PPFIBP2: variants seen among roughly 807,000 people sequenced by gnomAD.
PPFIBP2 encodes the protein PPFIB scaffold protein 2, also known as liprin-beta-2.
PPFIBP2 carries 118 observed loss-of-function variants against 118.3 expected under a neutral mutation model. The observed-to-expected ratio is 1.00, with a 90% CI of 0.86 to 1.16. The LOEUF (loss-of-function observed/expected upper bound fraction) is 1.16, where lower values mean the gene tolerates loss of function less well. PPFIBP2 is among the 50% of genes most tolerant of loss of function. The pLI is 0.00. For synonymous variants in PPFIBP2, 414 were observed against 397.4 expected, an observed-to-expected ratio of 1.04 and a Z score of -0.50; for missense variants, 1,195 against 1,073.1, an observed-to-expected ratio of 1.11 and a Z score of -1.59.
In PPFIBP2 at chr11:7,577,332, T is replaced by TGC. The variant is rs111277170; in HGVS notation, c.279+11566_279+11567insCG. On this transcript the variant is annotated intron_variant, in intron 3 of 23. Coordinates refer to ENST00000299492, the MANE Select transcript of PPFIBP2 (RefSeq NM_003621.5). ...GTGCATGTATGTGCGTGTGTGTGTGTGTGTGTGTGTGTGTGTGTGTTTGTT... is the reference window on the plus strand; with the variant it reads ...GTGCATGTATGTGCGTGTGTGTGTGTGCGTGTGTGTGTGTGTGTGTGTTTGTT... The TGC allele has an allele frequency of 4.1e-4, 101 of 243,628 alleles. 1 individual carries two copies. Among genetic ancestry groups the TGC allele is most frequent in the Non-Finnish European group, 6.0e-4 (69 of 115,728 alleles). 15.1% of individuals were successfully genotyped at this position (243,628 alleles called of 1,614,324 possible). A position where few individuals can be genotyped will look rare whatever the true frequency, so the allele number is the denominator to read the frequency against.
At chr11:7,585,631 G>T (rs1415194327) in intron 3 of PPFIBP2, among the ~76,000 whole-genome samples, 1 of 152,172 alleles carries the variant, frequency 6.6e-6, no homozygotes, top group African/African-American at 2.4e-5. Flanking sequence ...CCACAAATCT[G>T]CAGGACCCCA....
chr11:7,595,998 T>A (rs1414481852), intron 4 of PPFIBP2, among the ~76,000 whole-genome samples: 3 of 152,044 alleles, frequency 2.0e-5, no homozygotes, highest in South Asian at 2.1e-4. Flanking sequence ...TCACATTTTA[T>A]GACCTTTATG....
At chr11:7,610,508 TG>T in intron 6 of PPFIBP2, 86 bp downstream of exon 6, 5 of 1,542,730 alleles carry the variant, frequency 3.2e-6, no homozygotes, top group Non-Finnish European at 4.4e-6. Flanking sequence ...ACTCCCAGCC[TG>T]GAAGCTATTG....
At chr11:7,518,978 G>C (rs1849489196) in intron 1 of PPFIBP2, among the ~76,000 whole-genome samples, 1 of 152,200 alleles carries the variant, frequency 6.6e-6, no homozygotes, top group South Asian at 2.1e-4. Flanking sequence ...GGGGCGTAAG[G>C]TGGCGGGATG....
intron 1 of PPFIBP2, among the ~76,000 whole-genome samples, chr11:7,531,777 G>A (rs760367154): frequency 4.6e-5 from 7 of 152,232 alleles, no homozygotes; most frequent in Non-Finnish European, 1.0e-4. Flanking sequence ...TAAGATCAGG[G>A]TGTTGGCAGG....
chr11:7,666,111 T>G, the PPFIBP2 span: 1 of 622,104 alleles, frequency 1.6e-6, no homozygotes, highest in African/African-American at 1.8e-5. Context: ...GAAGGGTGAG[T>G]GGTGAAGGGG....
the PPFIBP2 span, chr11:7,666,517 C>T: frequency 3.7e-6 from 6 of 1,613,598 alleles, no homozygotes; most frequent in Non-Finnish European, 4.2e-6. Flanking sequence ...GCAATTTCTT[C>T]AAGCTCTTTT....
chr11:7,666,382 G>C, the PPFIBP2 span: 1 of 986,160 alleles, frequency 1.0e-6, no homozygotes, highest in Non-Finnish European at 1.6e-6. Flanking sequence ...CAAAGAGACA[G>C]AGACCAGTCC....
intron 2 of PPFIBP2, among the ~76,000 whole-genome samples, chr11:7,555,875 G>A (rs939539192): frequency 6.6e-6 from 1 of 152,190 alleles, no homozygotes; most frequent in Non-Finnish European, 1.5e-5. Flanking sequence ...TAGGAACTGA[G>A]CTGCAAAACT....
In PPFIBP2 at chr11:7,642,492, G is replaced by T. The variant is rs915358501; in HGVS notation, c.1646+66G>T. ...AAAAGAAGTATCTCCCTTCAAACCT[G>T]CATGGGTGAATCTTTACTCCTGTGT... On this transcript the variant is annotated intron_variant, in intron 17 of 23. Transcript: ENST00000299492. 1.2e-5 allele frequency: 18 copies of T among 1,524,382 alleles called. No homozygotes were observed. In the Admixed American group the frequency reaches 3.5e-4, roughly 30 times the overall value. The allele number at this position is 1,524,382 out of a possible 1,614,324, so 94.4% of individuals were successfully genotyped here.
rs770330209 is a variant in PPFIBP2 at position 7,639,771 on chromosome 11, C to T, written c.1276C>T (p.Pro426Ser). The change falls in exon 15 of 24, where the codon CCT becomes TCT. Residue 426 changes from proline to serine, a missense_variant. Pro to Ser is a moderately conservative substitution (Grantham distance 74). Transcript: ENST00000299492. Reference sequence around the variant, plus strand: ...GGCGGAGCACAAATATCCCACTTTACCTGGGAAGCTTTCAGGAGCCACGCC... The same window carrying T: ...GGCGGAGCACAAATATCCCACTTTATCTGGGAAGCTTTCAGGAGCCACGCC... The part of the protein sequence containing the change: ...FLAEHKYPTL[P>S]GKLSGATPNG... 3 of 1,614,052 alleles carry T rather than the reference C, an allele frequency of 1.9e-6. No homozygotes were observed. In the African/African-American group the frequency reaches 4.0e-5, roughly 22 times the overall value.
At chr11:7,634,783 T>C (rs1590723838) in intron 13 of PPFIBP2, among the ~76,000 whole-genome samples, 2 of 152,250 alleles carry the variant, frequency 1.3e-5, no homozygotes, top group African/African-American at 4.8e-5. Flanking sequence ...GAGAAGATGT[T>C]GAGATCAGCA....
rs199781245 is a variant in PPFIBP2, at chr11:7,565,759, G to A, written c.271G>A (p.Glu91Lys). 2.1e-5 allele frequency: 34 copies of A among 1,614,114 alleles called. No individual in the cohort carries two copies. In the Admixed American group the frequency reaches 5.7e-4, roughly 27 times the overall value. ...TAAYIKEWFEESLSQVNHHSA... is the reference protein window; with the variant it reads ...TAAYIKEWFEKSLSQVNHHSA... ...TGCCTACATAAAGGAATGGTTTGAAGAGAGCTTGGTGAGTAGTCCCGTGGC... is the reference window on the plus strand; with the variant it reads ...TGCCTACATAAAGGAATGGTTTGAAAAGAGCTTGGTGAGTAGTCCCGTGGC... Residue 91 changes from glutamate (E) to lysine (K), a missense_variant, in exon 3 of 24, where the codon GAG (glutamate) becomes AAG (lysine). Physicochemically the swap from Glu to Lys is moderately conservative, Grantham distance 56. Coordinates refer to ENST00000299492, the MANE Select transcript of PPFIBP2 (RefSeq NM_003621.5).
In PPFIBP2 at chr11:7,582,641, C is replaced by T. The variant is rs994695975; in HGVS notation, c.280-10491C>T. 3.3e-5 allele frequency among the ~76,000 whole-genome samples: 5 copies of T among 151,910 alleles called. No homozygotes were observed. In the East Asian group the frequency reaches 9.7e-4, roughly 29 times the overall value. ...CTTTTCTCTGTCCCTTCCTCCATAG[C>T]AGCTCTTTCACACTTTTCCATTAGT... On this transcript the variant is annotated intron_variant, in intron 3 of 23. Coordinates refer to ENST00000299492, the MANE Select transcript of PPFIBP2 (RefSeq NM_003621.5).
At chr11:7,651,123 TC>T (rs563005221) in intron 22 of PPFIBP2, 158 bp downstream of exon 22, 46 of 761,888 alleles carry the variant, frequency 6.0e-5, no homozygotes, top group Non-Finnish European at 8.9e-5. Flanking sequence ...TGATAACTTG[TC>T]CTTGAGAATT....
chr11:7,556,251 T>A (rs11820687), intron 2 of PPFIBP2, among the ~76,000 whole-genome samples: 2 of 152,050 alleles, frequency 1.3e-5, no homozygotes, highest in Non-Finnish European at 2.9e-5. Flanking sequence ...GTCAGGAGAT[T>A]GAGACCATCC....
At chr11:7,566,996 C>A (rs898287391) in intron 3 of PPFIBP2, among the ~76,000 whole-genome samples, 3 of 152,148 alleles carry the variant, frequency 2.0e-5, no homozygotes, top group South Asian at 2.1e-4. Flanking sequence ...TTTGAATGAC[C>A]TTTTATTAGC....
chr11:7,546,466 T>C (rs959675522), intron 1 of PPFIBP2, among the ~76,000 whole-genome samples: 1 of 152,188 alleles, frequency 6.6e-6, no homozygotes, highest in Non-Finnish European at 1.5e-5. Flanking sequence ...ATGGGTCTTG[T>C]TTTATGGCCC....
In PPFIBP2 at chr11:7,648,469, A is replaced by C. The variant is rs1247363321; in HGVS notation, c.1729A>C (p.Ile577Leu). 6.2e-7 allele frequency: 1 copy of C among 1,613,834 alleles called. No homozygotes were observed. Among genetic ancestry groups the C allele is most frequent in the African/African-American group, 1.3e-5 (1 of 74,840 alleles). ...GGACTTTGGCCTGGCTCAGTATGTGATCTTTGCCAGGCAGTGGGTATCTTC... is the reference window on the plus strand; with the variant it reads ...GGACTTTGGCCTGGCTCAGTATGTGCTCTTTGCCAGGCAGTGGGTATCTTC... Reference protein sequence around the residue: ...LEDFGLAQYVIFARQWVSSGH... With the variant: ...LEDFGLAQYVLFARQWVSSGH... Residue 577 changes from isoleucine to leucine, a missense_variant, in exon 18 of 24, where the codon ATC becomes CTC. Physicochemically the swap from Ile to Leu is conservative, Grantham distance 5 (BLOSUM62 2). Transcript: ENST00000299492.
Sources: gnomAD v4.1 joint callset for allele counts (sites outside exome capture counted in the v4.1 genomes callset) on GRCh38, gnomAD v4.1.1 for gene constraint, MANE v1.5 for transcripts, NCBI Gene and HGNC (gene_info 2026-07-23, HGNC 2026-07-21) for gene names.